TBC1D19: variants seen among roughly 807,000 people sequenced by gnomAD.
TBC1D19 encodes the protein TBC1 domain family member 19, also known as TBC1 domain family, member 19.
In TBC1D19, 60 loss-of-function variants were observed where a neutral mutation model predicts 89.0. The observed-to-expected ratio is 0.67, with a 90% confidence interval of 0.55 to 0.84. The LOEUF (loss-of-function observed/expected upper bound fraction) is 0.84. TBC1D19 is among the 40% of genes least tolerant of loss of function. The pLI, the probability that TBC1D19 is intolerant of heterozygous loss-of-function variation, is 0.00. For missense variants in TBC1D19, 500 were observed against 610.8 expected (o/e 0.82, Z 1.91); for synonymous variants, 189 against 199.7 (o/e 0.95, Z 0.45).
intron 1 of TBC1D19, among the ~76,000 whole-genome samples, chr4:26,606,715 C>T (rs940696089): frequency 1.3e-5 from 2 of 152,122 alleles, no homozygotes; most frequent in Non-Finnish European, 2.9e-5. Context: ...TCTGTAATCA[C>T]TTCTAACCCT....
chr4:26,578,185 C>A (rs921165750), intron 1 of TBC1D19, among the ~76,000 whole-genome samples: 3 of 152,182 alleles, frequency 2.0e-5, no homozygotes, highest in African/African-American at 7.2e-5. Context: ...CGGCATCTTA[C>A]AGTGGGCCCG....
chr4:26,600,888 G>A (rs1401803191), intron 1 of TBC1D19, among the ~76,000 whole-genome samples: 3 of 152,168 alleles, frequency 2.0e-5, no homozygotes, highest in Non-Finnish European at 4.4e-5. Context: ...AACAAGTCCA[G>A]TCTACAGTTT....
the TBC1D19 span, among the ~76,000 whole-genome samples, chr4:26,829,381 G>A: frequency 1.3e-5 from 2 of 152,132 alleles, no homozygotes; most frequent in South Asian, 2.1e-4. Context: ...ATCTCTCATC[G>A]TAAGCCCTCT....
At chr4:26,642,944 C>A (rs1443779304) in intron 7 of TBC1D19, among the ~76,000 whole-genome samples, 1 of 152,116 alleles carries the variant, frequency 6.6e-6, no homozygotes, top group Non-Finnish European at 1.5e-5. Context: ...TCCTGAGACA[C>A]CTAAAAAGAG....
At chr4:26,620,725 C>G in intron 4 of TBC1D19, 37 bp downstream of exon 4, 1 of 1,578,802 alleles carries the variant, frequency 6.3e-7, no homozygotes, top group Non-Finnish European at 8.7e-7. Flanking sequence ...TTTTTTCATG[C>G]CAAGTTATGT....
At chr4:26,701,327 C>T (rs1577957099) in intron 13 of TBC1D19, among the ~76,000 whole-genome samples, 1 of 140,210 alleles carries the variant, frequency 7.1e-6, no homozygotes. Context: ...CACAAACACA[C>T]ACAAAGTGAT....
intron 1 of TBC1D19, among the ~76,000 whole-genome samples, chr4:26,605,046 A>T (rs1430562623): frequency 1.3e-5 from 2 of 151,798 alleles, no homozygotes; most frequent in East Asian, 3.9e-4. Context: ...TTCTTTTTTT[A>T]TTTTTATTTT....
chr4:26,725,578 A>AT (rs1051591550), intron 15 of TBC1D19, among the ~76,000 whole-genome samples: 2 of 151,720 alleles, frequency 1.3e-5, no homozygotes, highest in African/African-American at 4.8e-5. Flanking sequence ...TGCTGGGCTG[A>AT]TTTTTTTGTA....
the TBC1D19 span, among the ~76,000 whole-genome samples, chr4:26,765,322 G>A: frequency 6.6e-6 from 1 of 152,050 alleles, no homozygotes. Context: ...GGGTTTCAGA[G>A]AAACCATGTC....
At chr4:26,601,829 A>G (rs1242576813) in intron 1 of TBC1D19, among the ~76,000 whole-genome samples, 2 of 152,178 alleles carry the variant, frequency 1.3e-5, no homozygotes, top group Admixed American at 6.5e-5. Context: ...ATAAACTAAC[A>G]TTGTACAAAA....
the TBC1D19 span, among the ~76,000 whole-genome samples, chr4:26,777,435 T>C: frequency 6.6e-6 from 1 of 151,894 alleles, no homozygotes; most frequent in Non-Finnish European, 1.5e-5. Context: ...GCACTCTGCC[T>C]GTTTGTTTGG....
In TBC1D19 at chr4:26,616,342, C is replaced by A. The variant is rs115120907; in HGVS notation, c.218+1889C>A. ...AAAAGTTGAATAAGGCATTAAACCT[C>A]TTCTGTGGTGTATTGAGTTAAGCCT... On this transcript the variant is annotated intron_variant, in intron 3 of 20. Coordinates refer to ENST00000264866, the MANE Select transcript of TBC1D19 (RefSeq NM_018317.4). Among the ~76,000 whole-genome samples, 1,219 of 152,200 alleles carry A rather than the reference C, an allele frequency of 8.0e-3. 6 individuals carry two copies. The highest frequency in any genetic ancestry group is 0.014 in the Middle Eastern group (4 of 294).
upstream of TBC1D19, among the ~76,000 whole-genome samples, chr4:26,581,709 G>A (rs1739069445): frequency 6.6e-6 from 1 of 152,192 alleles, no homozygotes; most frequent in African/African-American, 2.4e-5. Flanking sequence ...ACACAGGTGG[G>A]AGACTGAAGT....
chr4:26,839,874 G>C, the TBC1D19 span, among the ~76,000 whole-genome samples: 1 of 152,252 alleles, frequency 6.6e-6, no homozygotes, highest in East Asian at 1.9e-4. Context: ...AGCTGGGTTT[G>C]GTATTGCGTA....
At chr4:26,769,583 C>A in the TBC1D19 span, among the ~76,000 whole-genome samples, 1 of 151,176 alleles carries the variant, frequency 6.6e-6, no homozygotes, top group African/African-American at 2.4e-5. Context: ...TGCTCTCACA[C>A]CCAGCCTGGA....
the TBC1D19 span, among the ~76,000 whole-genome samples, chr4:26,856,092 A>G: frequency 6.6e-6 from 1 of 152,178 alleles, no homozygotes; most frequent in Non-Finnish European, 1.5e-5. Context: ...CAGTAACCTT[A>G]TACCCTTTGG....
At chr4:26,857,602 G>C in the TBC1D19 span, 2 of 152,158 alleles carry the variant, frequency 1.3e-5, no homozygotes, top group Admixed American at 6.5e-5. Flanking sequence ...CCGGAAGCCG[G>C]GCGGGCAGCG....
intron 15 of TBC1D19, among the ~76,000 whole-genome samples, chr4:26,722,009 A>G (rs539413087): frequency 1.2e-4 from 18 of 152,200 alleles, no homozygotes; most frequent in African/African-American, 4.1e-4. Flanking sequence ...TACCTGGTCT[A>G]AACTCTTTGG....
chr4:26,822,579 C>A, the TBC1D19 span, among the ~76,000 whole-genome samples: 1 of 152,094 alleles, frequency 6.6e-6, no homozygotes, highest in Non-Finnish European at 1.5e-5. Context: ...AAAAGGCTGC[C>A]AGTGGACTAT....
Sources: gnomAD v4.1 joint callset for allele counts (sites outside exome capture counted in the v4.1 genomes callset) on GRCh38, gnomAD v4.1.1 for gene constraint, MANE v1.5 for transcripts, NCBI Gene and HGNC (gene_info 2026-07-23, HGNC 2026-07-21) for gene names.